The following SNTG1 variants were observed in gnomAD, a reference collection of about 807,000 sequenced individuals.
SNTG1 encodes the protein gamma-1-syntrophin.
In SNTG1, 39 loss-of-function variants were observed where a neutral mutation model predicts 74.7. The observed-to-expected ratio is 0.52, with a 90% CI of 0.40 to 0.68. The LOEUF is 0.68. Among genes scored for constraint, SNTG1 ranks in the 30% least tolerant of loss-of-function variants. The pLI, the probability that SNTG1 is intolerant of heterozygous loss-of-function variation, is 0.00. For synonymous variants in SNTG1, 254 were observed against 217.1 expected, an observed-to-expected ratio of 1.17 and a Z score of -1.49; for missense variants, 685 against 609.5, an observed-to-expected ratio of 1.12 and a Z score of -1.30.
intron 1 of SNTG1, among the ~76,000 whole-genome samples, chr8:50,005,853 G>A (rs946861562): frequency 2.0e-5 from 3 of 150,488 alleles, no homozygotes; most frequent in African/African-American, 4.9e-5. Flanking sequence ...CTGTGGACCT[G>A]TCATCTAGCT....
rs746850054 is a variant in SNTG1, at chr8:50,704,642, C to G, written c.1081C>G (p.Gln361Glu). Reference protein sequence around the residue: ...LDRRKQCFTVQSESGEDLYFS... With the variant: ...LDRRKQCFTVESESGEDLYFS... The stretch of plus-strand genomic sequence containing the variant: ...CCGACGGAAACAGTGCTTCACCGTG[C>G]AGTCTGAGTCTGGGGAGGACCTGTA... The change falls in exon 16 of 19, where the codon CAG (glutamine) becomes GAG (glutamate). Residue 361 changes from glutamine (Q) to glutamate (E), a missense_variant. Coordinates refer to ENST00000642720, the MANE Select transcript of SNTG1 (RefSeq NM_018967.5). The G allele has an allele frequency of 6.2e-7, 1 of 1,614,088 alleles. No homozygotes were observed. The highest frequency in any genetic ancestry group is 8.5e-7 in the Non-Finnish European group (1 of 1,180,006).
chr8:50,238,863 A>G (rs1460337067), intron 2 of SNTG1, among the ~76,000 whole-genome samples: 1 of 152,230 alleles, frequency 6.6e-6, no homozygotes, highest in African/African-American at 2.4e-5. Flanking sequence ...AAAAGAAGAA[A>G]TACACATGAA....
At chr8:50,176,621 T>C (rs1325748684) in intron 2 of SNTG1, among the ~76,000 whole-genome samples, 1 of 152,190 alleles carries the variant, frequency 6.6e-6, no homozygotes, top group African/African-American at 2.4e-5. Context: ...TTGCTTGTTT[T>C]ATGTTTCCAG....
intron 9 of SNTG1, 106 bp from the exon 10 acceptor site, chr8:50,530,071 G>T: frequency 1.1e-6 from 1 of 905,156 alleles, no homozygotes; most frequent in East Asian, 2.5e-5. Context: ...TGTAATATCT[G>T]ATTTACTTGA....
chr8:50,669,625 G>T (rs2095268905), intron 15 of SNTG1, among the ~76,000 whole-genome samples: 1 of 152,116 alleles, frequency 6.6e-6, no homozygotes, highest in Non-Finnish European at 1.5e-5. Flanking sequence ...AGGAGGAACT[G>T]GTACCATTCC....
At chr8:50,253,865 AG>A (rs148912281) in intron 2 of SNTG1, among the ~76,000 whole-genome samples, 3,022 of 151,890 alleles carry the variant, frequency 0.02, 107 homozygotes, top group African/African-American at 0.068. Flanking sequence ...AAAAAAAAAA[AG>A]TTCATCTCAT....
intron 5 of SNTG1, among the ~76,000 whole-genome samples, chr8:50,443,453 TA>T (rs557997766): frequency 6.6e-6 from 1 of 152,092 alleles, no homozygotes; most frequent in South Asian, 2.1e-4. Context: ...ACTACAGCAG[TA>T]AAAAATAGAA....
chr8:50,609,177 A>T (rs2094833150), intron 13 of SNTG1, among the ~76,000 whole-genome samples: 1 of 152,010 alleles, frequency 6.6e-6, no homozygotes. Flanking sequence ...GCCTGGCATT[A>T]GTTTTCGTTT....
At chr8:50,025,492 TC>T (rs1367987712) in intron 1 of SNTG1, among the ~76,000 whole-genome samples, 1 of 152,190 alleles carries the variant, frequency 6.6e-6, no homozygotes, top group Non-Finnish European at 1.5e-5. Context: ...AAGTATATTT[TC>T]TTTTTATAAT....
intron 18 of SNTG1, among the ~76,000 whole-genome samples, chr8:50,764,186 T>A (rs561807579): frequency 1.3e-5 from 2 of 151,870 alleles, no homozygotes; most frequent in Non-Finnish European, 2.9e-5. Context: ...CTAAACATTA[T>A]ATGACTTTGG....
At chr8:50,286,491 G>A (rs1313752441) in intron 2 of SNTG1, 1 of 152,100 alleles carries the variant, frequency 6.6e-6, no homozygotes, top group Non-Finnish European at 1.5e-5. Context: ...TCCAAATGGG[G>A]AAACATAATG....
chr8:50,444,209 A>T (rs1452785272), intron 5 of SNTG1, among the ~76,000 whole-genome samples: 1 of 152,202 alleles, frequency 6.6e-6, no homozygotes, highest in Non-Finnish European at 1.5e-5. Flanking sequence ...CAATTTTGTA[A>T]GATAAAGGGT....
At chr8:49,962,751 G>A (rs562721747) in intron 1 of SNTG1, among the ~76,000 whole-genome samples, 4 of 152,176 alleles carry the variant, frequency 2.6e-5, no homozygotes, top group African/African-American at 7.2e-5. Flanking sequence ...CATGCCCCAC[G>A]CCCAGCTAAT....
intron 17 of SNTG1, among the ~76,000 whole-genome samples, chr8:50,734,680 A>G (rs1417884781): frequency 6.8e-6 from 1 of 147,442 alleles, no homozygotes; most frequent in Non-Finnish European, 1.5e-5. Flanking sequence ...ATATATAGAT[A>G]TGTATATATG....
intron 2 of SNTG1, among the ~76,000 whole-genome samples, chr8:50,183,317 A>T (rs2083272757): frequency 6.6e-6 from 1 of 152,140 alleles, no homozygotes; most frequent in South Asian, 2.1e-4. Flanking sequence ...TTTCAGTGCT[A>T]TGCTGCTTCC....
At chr8:50,450,429 A>T in intron 6 of SNTG1, 127 bp from the exon 7 acceptor site, 1 of 933,354 alleles carries the variant, frequency 1.1e-6, no homozygotes, top group Non-Finnish European at 1.6e-6. Context: ...TGGATCTTTT[A>T]AGATGCTAAC....
chr8:50,731,731 A>G (rs149838073), intron 17 of SNTG1, among the ~76,000 whole-genome samples: 5 of 152,274 alleles, frequency 3.3e-5, no homozygotes, highest in African/African-American at 9.6e-5. Context: ...CATCCTTTTC[A>G]TCATTAATAT....
At chr8:49,932,734 T>A (rs1371503452) in intron 1 of SNTG1, among the ~76,000 whole-genome samples, 1 of 152,172 alleles carries the variant, frequency 6.6e-6, no homozygotes, top group African/African-American at 2.4e-5. Flanking sequence ...GTTTCCATCA[T>A]CTCCAAAACA....
At chr8:50,206,387 A>G (rs1161239075) in intron 2 of SNTG1, among the ~76,000 whole-genome samples, 1 of 152,146 alleles carries the variant, frequency 6.6e-6, no homozygotes, top group Non-Finnish European at 1.5e-5. Flanking sequence ...ATTGGTGTGT[A>G]AGAATGCTTG....
Sources: gnomAD v4.1 joint callset for allele counts (sites outside exome capture counted in the v4.1 genomes callset) on GRCh38, gnomAD v4.1.1 for gene constraint, MANE v1.5 for transcripts, NCBI Gene and HGNC (gene_info 2026-07-23, HGNC 2026-07-21) for gene names.